IDE: variants seen among roughly 807,000 people sequenced by gnomAD.
IDE encodes insulin-degrading enzyme.
In IDE, 58 loss-of-function variants were observed where a neutral mutation model predicts 133.2. The ratio of observed to expected loss-of-function variants is 0.44; its 90% CI spans 0.35 to 0.54. IDE has a LOEUF of 0.54. IDE is among the 20% of genes least tolerant of loss of function. The pLI, the probability that IDE is intolerant of heterozygous loss-of-function variation, is 0.00. For missense variants in IDE, 981 were observed against 1,234.0 expected (o/e 0.79, Z 3.07); for synonymous variants, 396 against 421.3 (o/e 0.94, Z 0.73).
intron 11 of IDE, among the ~76,000 whole-genome samples, chr10:92,503,230 A>G (rs1848121509): frequency 6.6e-6 from 1 of 152,152 alleles, no homozygotes; most frequent in African/African-American, 2.4e-5. Flanking sequence ...GGAGTTTGAG[A>G]TCCACCTGGG....
At chr10:92,498,795 G>C (rs895256109) in intron 11 of IDE, among the ~76,000 whole-genome samples, 1 of 151,842 alleles carries the variant, frequency 6.6e-6, no homozygotes, top group East Asian at 1.9e-4. Flanking sequence ...CATGGTGGCG[G>C]GTGCATGTTA....
At chr10:92,472,941 ATT>A (rs535455118) in intron 17 of IDE, among the ~76,000 whole-genome samples, 38 of 121,612 alleles carry the variant, frequency 3.1e-4, no homozygotes, top group Admixed American at 7.8e-4. Flanking sequence ...CCAGCCCAGA[ATT>A]TTTTTTTTTT....
intron 18 of IDE, 108 bp from the exon 19 acceptor site, chr10:92,469,098 T>C (rs1845835642): frequency 3.1e-6 from 2 of 641,324 alleles, no homozygotes; most frequent in South Asian, 3.9e-5. Flanking sequence ...ACCTTAAATA[T>C]ATTTGATCCT....
At chr10:92,487,381 C>T in intron 12 of IDE, 63 bp from the exon 13 acceptor site, 4 of 1,398,224 alleles carry the variant, frequency 2.9e-6, no homozygotes, top group Non-Finnish European at 4.0e-6. Flanking sequence ...AAAATAGTAT[C>T]TCTGCTCAAT....
chr10:92,492,820 G>A (rs772197024), intron 11 of IDE, among the ~76,000 whole-genome samples: 3 of 152,114 alleles, frequency 2.0e-5, no homozygotes, highest in Admixed American at 6.6e-5. Context: ...CAACTTCAAC[G>A]CTAGTAGTCT....
intron 1 of IDE, 96 bp downstream of exon 1, chr10:92,573,826 T>A (rs1055987025): frequency 2.4e-6 from 2 of 837,338 alleles, no homozygotes; most frequent in African/African-American, 3.6e-5. Context: ...GGGGCAGCGG[T>A]GGCGGCTTTA....
intron 1 of IDE, among the ~76,000 whole-genome samples, chr10:92,551,176 T>A (rs888634354): frequency 1.3e-5 from 2 of 152,170 alleles, no homozygotes; most frequent in African/African-American, 4.8e-5. Flanking sequence ...GATGGATGAA[T>A]CAGTAAACAA....
chr10:92,554,086 C>T (rs936386255), intron 1 of IDE, among the ~76,000 whole-genome samples: 1 of 152,190 alleles, frequency 6.6e-6, no homozygotes, highest in African/African-American at 2.4e-5. Flanking sequence ...CAACAAAATA[C>T]TAGCAAACCA....
intron 5 of IDE, among the ~76,000 whole-genome samples, chr10:92,513,772 T>C (rs1848752720): frequency 6.6e-6 from 1 of 151,796 alleles, no homozygotes; most frequent in Non-Finnish European, 1.5e-5. Flanking sequence ...AACTGTTTAT[T>C]CATTCAATAT....
chr10:92,456,370 T>C lies in IDE; in HGVS notation c.2885A>G (p.Glu962Gly). The C allele has an allele frequency of 1.2e-6, 2 of 1,612,858 alleles. No homozygotes were observed. Among genetic ancestry groups the C allele is most frequent in the Non-Finnish European group, 1.7e-6 (2 of 1,178,826 alleles). Residue 962 changes from glutamate (E) to glycine (G), a missense_variant, in exon 23 of 25, where the codon GAA (glutamate) becomes GGA (glycine). Transcript: ENST00000265986. ...HKVSVHVLAREMDSCPVVGEF... is the reference protein window; with the variant it reads ...HKVSVHVLARGMDSCPVVGEF... ...CATTTGATACTTACAAGAATCCATT[T>C]CCCTGGCAAGAACATGGACGGATAC...
At chr10:92,487,391 T>C in intron 12 of IDE, 73 bp from the exon 13 acceptor site, 1 of 1,247,572 alleles carries the variant, frequency 8.0e-7, no homozygotes, top group Non-Finnish European at 1.1e-6. Flanking sequence ...CTCTGCTCAA[T>C]ATATGGGCAA....
chr10:92,475,493 A>G (rs982793819), intron 16 of IDE, among the ~76,000 whole-genome samples: 3 of 152,214 alleles, frequency 2.0e-5, no homozygotes, highest in Non-Finnish European at 4.4e-5. Flanking sequence ...TCAAACCCAA[A>G]TAGTGTGCTC....
chr10:92,537,521 T>G lies in IDE; in HGVS notation c.128A>C (p.Asn43Thr), dbSNP rs140287132. The G allele has an allele frequency of 2.5e-6, 4 of 1,599,894 alleles. No homozygotes were observed. The African/African-American group carries it at 5.4e-5, about 22-fold the overall frequency. ...GFQKKTYSKM[N>T]NPAIKRIGNH... Reference sequence around the variant, plus strand: ...TCCTATTCTCTTGATGGCTGGATTATTCATTTTGCTGTAAGTCTTTTTTTG... The same window carrying G: ...TCCTATTCTCTTGATGGCTGGATTAGTCATTTTGCTGTAAGTCTTTTTTTG... Residue 43 changes from asparagine to threonine, a missense_variant, in exon 2 of 25, where the codon AAT becomes ACT. Transcript: ENST00000265986.
intron 22 of IDE, among the ~76,000 whole-genome samples, chr10:92,458,490 G>GTTTTTTTTTTTTTTTTT (rs71028821): frequency 2.4e-5 from 2 of 83,882 alleles, no homozygotes; most frequent in Non-Finnish European, 4.5e-5. Flanking sequence ...TACTCTCTCT[G>GTTTTTTTTTTTTTTTTT]TTTTTTTTTT....
chr10:92,464,178 A>G lies in IDE; in HGVS notation c.2489-175T>C, dbSNP rs556982039. On this transcript the variant is annotated intron_variant, in intron 20 of 24. Coordinates refer to ENST00000265986, the MANE Select transcript of IDE (RefSeq NM_004969.4). ...GTTTCAGTTCCTAAGGACAGAGCAG[A>G]AGAGCTCTCTGAAGAATTACAAAGT... Among the ~76,000 whole-genome samples the G allele has an allele frequency of 3.3e-5, 5 of 152,326 alleles. No individual in the cohort carries two copies. In the East Asian group the frequency reaches 9.6e-4, roughly 29 times the overall value.
At chr10:92,503,348 T>A (rs375665601) in intron 11 of IDE, among the ~76,000 whole-genome samples, 40 of 152,306 alleles carry the variant, frequency 2.6e-4, no homozygotes, top group African/African-American at 9.4e-4. Context: ...TAAAACTTTT[T>A]AAATACAGAT....
At chr10:92,523,831 T>G (rs1044448929) in intron 4 of IDE, among the ~76,000 whole-genome samples, 3 of 152,142 alleles carry the variant, frequency 2.0e-5, no homozygotes, top group African/African-American at 4.8e-5. Flanking sequence ...CCACTCACTC[T>G]TTGACCTCCT....
At chr10:92,516,908 T>G (rs1848959031) in intron 4 of IDE, among the ~76,000 whole-genome samples, 2 of 152,232 alleles carry the variant, frequency 1.3e-5, no homozygotes, top group South Asian at 4.1e-4. Context: ...ATTCTCTAAA[T>G]AATACCTTGC....
intron 11 of IDE, among the ~76,000 whole-genome samples, chr10:92,500,608 G>A (rs1847953304): frequency 6.6e-6 from 1 of 152,180 alleles, no homozygotes; most frequent in Non-Finnish European, 1.5e-5. Context: ...AACTGACCAT[G>A]TATGTGTGGA....
Sources: allele counts gnomAD v4.1 joint callset (sites outside exome capture counted in the v4.1 genomes callset), GRCh38; gene constraint gnomAD v4.1.1; transcripts MANE v1.5; gene names NCBI Gene and HGNC (gene_info 2026-07-23, HGNC 2026-07-21).